CNTNAP5: variants seen among roughly 807,000 people sequenced by gnomAD.
CNTNAP5 encodes the protein contactin-associated protein-like 5.
CNTNAP5 carries 72 observed loss-of-function variants against 150.2 expected under a neutral mutation model. That is an observed-to-expected ratio of 0.48 (90% confidence interval 0.40 to 0.58). CNTNAP5 has a LOEUF of 0.58. Among genes scored for constraint, CNTNAP5 ranks in the 20% least tolerant of loss-of-function variants. CNTNAP5 has a pLI of 0.00. For missense variants in CNTNAP5, 1,636 were observed against 1,626.2 expected (o/e 1.01, Z -0.10); for synonymous variants, 672 against 619.8 (o/e 1.08, Z -1.25).
At chr2:124,404,880 C>T (rs1036797263) in intron 3 of CNTNAP5, among the ~76,000 whole-genome samples, 15 of 152,100 alleles carry the variant, frequency 9.9e-5, no homozygotes, top group Admixed American at 9.8e-4. Context: ...AGACAAACTC[C>T]TAAACTGTGT....
At chr2:124,866,926 A>G (rs1254333413) in intron 20 of CNTNAP5, among the ~76,000 whole-genome samples, 1 of 152,122 alleles carries the variant, frequency 6.6e-6, no homozygotes, top group African/African-American at 2.4e-5. Flanking sequence ...TTCTTGTAAG[A>G]ATTTACACTC....
intron 19 of CNTNAP5, among the ~76,000 whole-genome samples, chr2:124,801,116 A>G (rs1273162536): frequency 6.6e-6 from 1 of 152,144 alleles, no homozygotes; most frequent in Non-Finnish European, 1.5e-5. Flanking sequence ...AGAATCCTGG[A>G]CATCTCTTGC....
At position 124,188,704 on chromosome 2, in the gene CNTNAP5, G is replaced by A. The variant is rs958016116; in HGVS notation, c.83-33001G>A. ...ACTGCACTCCAGCCTGGGTGACAGC[G>A]AGACTCTGTCTCAAAAAAAAAAAAA... On this transcript the variant is annotated intron_variant, in intron 1 of 23. Coordinates refer to ENST00000682447, the MANE Select transcript of CNTNAP5 (RefSeq NM_001367498.1). Among the ~76,000 whole-genome samples, 35 of 113,976 alleles carry A rather than the reference G, an allele frequency of 3.1e-4. No homozygotes were observed. In the South Asian group the frequency reaches 6.2e-3, roughly 20 times the overall value. 74.8% of individuals were successfully genotyped at this position (113,976 alleles called of 152,430 possible). A position where few individuals can be genotyped will look rare whatever the true frequency, so the allele number is the denominator to read the frequency against.
At position 124,658,363 on chromosome 2, in the gene CNTNAP5, T is replaced by G. The variant is rs949337870; in HGVS notation, c.2077+10405T>G. Reference sequence around the variant, plus strand: ...TACTAGAGGCTTATATTTAATGTTCTCTGAGTGTCCTTTTCACTCTGGCAC... The same window carrying G: ...TACTAGAGGCTTATATTTAATGTTCGCTGAGTGTCCTTTTCACTCTGGCAC... On this transcript the variant is annotated intron_variant, in intron 13 of 23. Transcript: ENST00000682447. 3.3e-5 allele frequency among the ~76,000 whole-genome samples: 5 copies of G among 152,320 alleles called. No individual in the cohort carries two copies. The South Asian group carries it at 6.2e-4, about 19-fold the overall frequency.
intron 7 of CNTNAP5, among the ~76,000 whole-genome samples, chr2:124,480,711 C>T (rs1007049166): frequency 6.6e-6 from 1 of 152,124 alleles, no homozygotes; most frequent in Admixed American, 6.5e-5. Flanking sequence ...TTCTCTTGAT[C>T]GAAGGAATCA....
intron 19 of CNTNAP5, among the ~76,000 whole-genome samples, chr2:124,861,909 G>C (rs1232000359): frequency 2.6e-5 from 4 of 152,144 alleles, no homozygotes; most frequent in African/African-American, 9.7e-5. Context: ...TACCTCCCAG[G>C]TTGAAGCGAT....
At chr2:124,308,239 G>A (rs1023796051) in intron 3 of CNTNAP5, among the ~76,000 whole-genome samples, 3 of 152,018 alleles carry the variant, frequency 2.0e-5, no homozygotes, top group African/African-American at 4.8e-5. Flanking sequence ...TGTAGACCAA[G>A]GTTAGTTGTG....
intron 12 of CNTNAP5, among the ~76,000 whole-genome samples, chr2:124,638,239 G>GATACATATATATGA (rs1558715156): frequency 6.8e-6 from 1 of 147,300 alleles, no homozygotes; most frequent in African/African-American, 2.5e-5. Flanking sequence ...ACATATATAT[G>GATACATATATATGA]TAACTTCTCT....
chr2:124,046,770 A>C (rs979988836), intron 1 of CNTNAP5, among the ~76,000 whole-genome samples: 1 of 152,214 alleles, frequency 6.6e-6, no homozygotes, highest in Non-Finnish European at 1.5e-5. Context: ...GGATTAAAAA[A>C]TGGTTTCATA....
intron 7 of CNTNAP5, among the ~76,000 whole-genome samples, chr2:124,485,983 A>G (rs888503290): frequency 6.6e-6 from 1 of 152,220 alleles, no homozygotes; most frequent in Non-Finnish European, 1.5e-5. Flanking sequence ...ATAAGTCCCT[A>G]TAAGAGAAAG....
intron 10 of CNTNAP5, among the ~76,000 whole-genome samples, chr2:124,550,132 C>T (rs895051624): frequency 2.6e-5 from 4 of 152,180 alleles, no homozygotes; most frequent in African/African-American, 7.2e-5. Context: ...TGTGTTAAAA[C>T]CTGATTCATG....
chr2:124,763,846 C>T (rs1301524776), intron 15 of CNTNAP5, 47 bp downstream of exon 15: 8 of 1,610,612 alleles, frequency 5.0e-6, no homozygotes, highest in Non-Finnish European at 6.8e-6. Flanking sequence ...TACATGAGCA[C>T]AAGATGTTCT....
At chr2:124,575,020 A>G (rs1421343805) in intron 11 of CNTNAP5, among the ~76,000 whole-genome samples, 1 of 152,210 alleles carries the variant, frequency 6.6e-6, no homozygotes, top group Non-Finnish European at 1.5e-5. Context: ...TCTGACAAGT[A>G]TGATCATAAC....
rs151312561 is a variant in CNTNAP5 at position 124,200,739 on chromosome 2, G to A, written c.83-20966G>A. 2.2e-4 allele frequency among the ~76,000 whole-genome samples: 33 copies of A among 152,290 alleles called. No homozygotes were observed. The East Asian group carries it at 3.9e-3, about 18-fold the overall frequency. On this transcript the variant is annotated intron_variant, in intron 1 of 23. Coordinates refer to ENST00000682447, the MANE Select transcript of CNTNAP5 (RefSeq NM_001367498.1). ...GCTGCAGGCACTTATGTCCTGCCAC[G>A]TATTTCTTACTCCCTACCTGTATCC...
At chr2:124,835,937 A>G (rs77392119) in intron 19 of CNTNAP5, among the ~76,000 whole-genome samples, 2,468 of 152,222 alleles carry the variant, frequency 0.016, 63 homozygotes, top group African/African-American at 0.056. Context: ...GGGCACCAAT[A>G]CCCTGGCAAA....
intron 3 of CNTNAP5, among the ~76,000 whole-genome samples, chr2:124,293,391 G>T (rs889344135): frequency 6.6e-6 from 1 of 151,960 alleles, no homozygotes; most frequent in Non-Finnish European, 1.5e-5. Flanking sequence ...TGAATATCAA[G>T]AAATAAAAAT....
At chr2:124,520,754 A>G (rs1328408957) in intron 8 of CNTNAP5, among the ~76,000 whole-genome samples, 2 of 152,126 alleles carry the variant, frequency 1.3e-5, no homozygotes, top group African/African-American at 4.8e-5. Context: ...TTCTCGGCCT[A>G]AAAGGTGTTG....
At position 124,897,422 on chromosome 2, in the gene CNTNAP5, A is replaced by G. The variant is rs570168872; in HGVS notation, c.3437-5460A>G. Among the ~76,000 whole-genome samples, 7 of 151,674 alleles carry G rather than the reference A, an allele frequency of 4.6e-5. No homozygotes were observed. The South Asian group carries it at 1.2e-3, about 27-fold the overall frequency. On this transcript the variant is annotated intron_variant, in intron 21 of 23. Coordinates refer to ENST00000682447, the MANE Select transcript of CNTNAP5 (RefSeq NM_001367498.1). ...GTTTGCTAGTCATTGTAAGTCCACT[A>G]TCAAACATGGAGCTGTGTCTAGGTG...
chr2:124,035,910 C>CTTTTTTT (rs759598012), intron 1 of CNTNAP5, among the ~76,000 whole-genome samples: 36 of 76,534 alleles, frequency 4.7e-4, no homozygotes, highest in East Asian at 1.5e-3. Flanking sequence ...AGGATGAACT[C>CTTTTTTT]TTTTTTTTTT....
Sources: gnomAD v4.1 joint callset for allele counts (sites outside exome capture counted in the v4.1 genomes callset) on GRCh38, gnomAD v4.1.1 for gene constraint, MANE v1.5 for transcripts, NCBI Gene and HGNC (gene_info 2026-07-23, HGNC 2026-07-21) for gene names.